SPOPL: variants seen among roughly 807,000 people sequenced by gnomAD.
The protein encoded by SPOPL is speckle-type POZ protein-like.
SPOPL carries 23 observed loss-of-function variants against 53.8 expected under a neutral mutation model. That is an observed-to-expected ratio of 0.43 (90% CI 0.31 to 0.61). The LOEUF (loss-of-function observed/expected upper bound fraction) is 0.61. Ranked by LOEUF, SPOPL falls within the 20% of genes least tolerant of loss-of-function variation. The pLI is 0.12. For synonymous variants in SPOPL, 164 were observed against 149.7 expected, an observed-to-expected ratio of 1.10 and a Z score of -0.70; for missense variants, 442 against 466.9, an observed-to-expected ratio of 0.95 and a Z score of 0.49.
intron 10 of SPOPL, among the ~76,000 whole-genome samples, chr2:138,565,516 T>C (rs1302164741): frequency 6.6e-6 from 1 of 152,206 alleles, no homozygotes; most frequent in Non-Finnish European, 1.5e-5. Flanking sequence ...AGTTGCTATA[T>C]CTTTCTAAGA....
intron 1 of SPOPL, among the ~76,000 whole-genome samples, chr2:138,515,034 A>G (rs1573869365): frequency 6.6e-6 from 1 of 152,210 alleles, no homozygotes. Flanking sequence ...GTATATTTTC[A>G]TAAAACCTAT....
At chr2:138,502,421 C>G (rs1489888614) in intron 1 of SPOPL, among the ~76,000 whole-genome samples, 2 of 152,364 alleles carry the variant, frequency 1.3e-5, no homozygotes, top group Admixed American at 1.3e-4. Flanking sequence ...GGGCCTCGCC[C>G]CTTCTTTTCC....
chr2:138,533,019 C>T lies in SPOPL; in HGVS notation c.-60-17138C>T, dbSNP rs910190395. On this transcript the variant is annotated intron_variant, in intron 1 of 10. Transcript: ENST00000280098. ...TTGATCATTACCAGGCTTATCTCCC[C>T]TGCCCATCTGTACCATCAACTGTCA... is the stretch of plus-strand genomic sequence containing the variant. Among the ~76,000 whole-genome samples the T allele has an allele frequency of 7.9e-5, 12 of 152,290 alleles. No homozygotes were observed. The South Asian group carries it at 8.3e-4, about 11-fold the overall frequency.
chr2:138,534,291 C>T (rs1684880405), intron 1 of SPOPL, among the ~76,000 whole-genome samples: 1 of 151,952 alleles, frequency 6.6e-6, no homozygotes, highest in Admixed American at 6.6e-5. Context: ...AAAAAATTAA[C>T]AATACAACAA....
At position 138,529,423 on chromosome 2, in the gene SPOPL, C is replaced by A. The variant is rs1002215095; in HGVS notation, c.-60-20734C>A. On this transcript the variant is annotated intron_variant, in intron 1 of 10. Coordinates refer to ENST00000280098, the MANE Select transcript of SPOPL (RefSeq NM_001001664.3). ...AATATGTTTTTGACCACCCCGTTTC[C>A]ATATTGTACTTCATTGTTACCTTGG... is the stretch of plus-strand genomic sequence containing the variant. Among the ~76,000 whole-genome samples the A allele has an allele frequency of 9.2e-5, 14 of 151,654 alleles. No homozygotes were observed. In the East Asian group the frequency reaches 2.0e-3, roughly 21 times the overall value.
intron 1 of SPOPL, among the ~76,000 whole-genome samples, chr2:138,547,377 T>C (rs190048333): frequency 1.3e-5 from 2 of 152,344 alleles, no homozygotes; most frequent in East Asian, 1.9e-4. Context: ...TCTAGAGATA[T>C]TGAAGAACTT....
chr2:138,541,577 G>A (rs187748057), intron 1 of SPOPL, among the ~76,000 whole-genome samples: 8 of 152,088 alleles, frequency 5.3e-5, no homozygotes, highest in African/African-American at 1.4e-4. Flanking sequence ...CTGTGGGATC[G>A]GTGGTGATAT....
At chr2:138,512,813 T>A (rs1448049036) in intron 1 of SPOPL, among the ~76,000 whole-genome samples, 1 of 152,232 alleles carries the variant, frequency 6.6e-6, no homozygotes, top group African/African-American at 2.4e-5. Flanking sequence ...AAATACCAGG[T>A]CCTGTATTTA....
intron 1 of SPOPL, among the ~76,000 whole-genome samples, chr2:138,505,040 A>G (rs1684184665): frequency 6.6e-6 from 1 of 152,190 alleles, no homozygotes; most frequent in Non-Finnish European, 1.5e-5. Context: ...GTTCTCATCT[A>G]TTACTCTTTT....
Position 138,501,792 on chromosome 2 carries a change from C to CGGGGCTGG in SPOPL, c.-387_-380dup. 1 of 145,602 alleles carries CGGGGCTGG rather than the reference C, an allele frequency of 6.9e-6. No homozygotes were observed. Among genetic ancestry groups the CGGGGCTGG allele is most frequent in the Non-Finnish European group, 1.5e-5 (1 of 68,166 alleles). 9.0% of individuals were successfully genotyped at this position (145,602 alleles called of 1,614,324 possible). ...CGCACGCGCCCTCGCGGGCTGGAGCCGGGGCTGGAGTCGTAACTCGGAAGC... is the reference window on the plus strand; with the variant it reads ...CGCACGCGCCCTCGCGGGCTGGAGCCGGGGCTGGGGGGCTGGAGTCGTAACTCGGAAGC... On this transcript the variant is annotated 5_prime_UTR_variant, in exon 1 of 11. Coordinates refer to ENST00000280098, the MANE Select transcript of SPOPL (RefSeq NM_001001664.3).
Position 138,540,508 on chromosome 2 carries a change from A to G in SPOPL, c.-60-9649A>G, listed in dbSNP as rs897928134. Among the ~76,000 whole-genome samples, 29 of 152,270 alleles carry G rather than the reference A, an allele frequency of 1.9e-4. No individual in the cohort carries two copies. In the East Asian group the frequency reaches 2.1e-3, roughly 11 times the overall value. The stretch of plus-strand genomic sequence containing the variant: ...TAGGTATTTTATTCTCTTTGAAGCA[A>G]TTATAAATGGGAGTTCACTCATGAT... On this transcript the variant is annotated intron_variant, in intron 1 of 10. Coordinates refer to ENST00000280098, the MANE Select transcript of SPOPL (RefSeq NM_001001664.3).
At chr2:138,510,754 A>G (rs1211600070) in intron 1 of SPOPL, among the ~76,000 whole-genome samples, 1 of 152,166 alleles carries the variant, frequency 6.6e-6, no homozygotes, top group African/African-American at 2.4e-5. Flanking sequence ...TTCAGCTGTC[A>G]TTTGGATATA....
chr2:138,532,756 T>C (rs1205709824), intron 1 of SPOPL, among the ~76,000 whole-genome samples: 3 of 152,126 alleles, frequency 2.0e-5, no homozygotes, highest in Non-Finnish European at 4.4e-5. Context: ...TTTCGTTTTT[T>C]ACTTCTGTAA....
chr2:138,542,777 T>G (rs1685102460), intron 1 of SPOPL, among the ~76,000 whole-genome samples: 1 of 152,206 alleles, frequency 6.6e-6, no homozygotes, highest in Non-Finnish European at 1.5e-5. Context: ...ATCCTGTCAT[T>G]ATGATGTTAG....
intron 1 of SPOPL, among the ~76,000 whole-genome samples, chr2:138,539,168 G>C (rs1295368484): frequency 6.6e-6 from 1 of 152,190 alleles, no homozygotes; most frequent in African/African-American, 2.4e-5. Context: ...ATTTGGGTTG[G>C]TTCCAAGTCT....
rs551503739 is a variant in SPOPL at position 138,560,794 on chromosome 2, T to C, written c.715-11T>C. The C allele has an allele frequency of 5.5e-5, 87 of 1,573,398 alleles. No homozygotes were observed. The highest frequency in any genetic ancestry group is 7.2e-5 in the Non-Finnish European group (84 of 1,168,274). On this transcript the variant is annotated splice_polypyrimidine_tract_variant and intron_variant, in intron 7 of 10. Transcript: ENST00000280098. ...TTTTTTTAACATTTTTGTGTTGTTT[T>C]TCGATATCAGAATCGAGTGGAAATA...
chr2:138,508,650 A>G (rs1394774996), intron 1 of SPOPL, among the ~76,000 whole-genome samples: 2 of 152,198 alleles, frequency 1.3e-5, no homozygotes. Flanking sequence ...TTAAAAACAC[A>G]GTAAATGAAA....
intron 10 of SPOPL, among the ~76,000 whole-genome samples, chr2:138,566,523 A>T (rs1410849513): frequency 1.3e-5 from 2 of 152,208 alleles, no homozygotes; most frequent in African/African-American, 4.8e-5. Context: ...GAAATTTTGA[A>T]CACAATGACA....
intron 1 of SPOPL, among the ~76,000 whole-genome samples, chr2:138,518,779 A>G (rs1455971277): frequency 1.3e-5 from 2 of 152,252 alleles, no homozygotes; most frequent in African/African-American, 4.8e-5. Flanking sequence ...TAGCTGGTGT[A>G]TACCTGATGG....
Sources: gnomAD v4.1 joint callset for allele counts (sites outside exome capture counted in the v4.1 genomes callset) on GRCh38, gnomAD v4.1.1 for gene constraint, MANE v1.5 for transcripts, NCBI Gene and HGNC (gene_info 2026-07-23, HGNC 2026-07-21) for gene names.